The following SOX5 variants were observed in gnomAD, a reference collection of about 807,000 sequenced individuals.
SOX5 encodes the protein transcription factor SOX-5.
Under a neutral mutation model 92.0 loss-of-function variants are expected in SOX5, and 9 were observed. The ratio of observed to expected loss-of-function variants is 0.10; its 90% CI spans 0.06 to 0.17. The LOEUF (loss-of-function observed/expected upper bound fraction) is 0.17, where lower values mean the gene tolerates loss of function less well. SOX5 is among the 10% of genes least tolerant of loss of function. The pLI is 1.00. For synonymous variants in SOX5, 344 were observed against 336.3 expected (o/e 1.02, Z -0.25); for missense variants, 642 against 944.5 (o/e 0.68, Z 4.20).
chr12:24,358,515 G>A (rs1369906574), intron 2 of SOX5, among the ~76,000 whole-genome samples: 1 of 152,034 alleles, frequency 6.6e-6, no homozygotes, highest in Non-Finnish European at 1.5e-5. Context: ...GGGAGGCTGA[G>A]GCAGAAGAAT....
chr12:23,792,097 T>C (rs7137535), intron 3 of SOX5, among the ~76,000 whole-genome samples: 16,882 of 151,988 alleles, frequency 0.11, 1,102 homozygotes, highest in Middle Eastern at 0.17. Context: ...AATTATAATA[T>C]AGAAAGTTAT....
chr12:24,366,940 A>G (rs1466877711), intron 2 of SOX5, among the ~76,000 whole-genome samples: 2 of 151,578 alleles, frequency 1.3e-5, no homozygotes, highest in African/African-American at 4.8e-5. Context: ...AGGAGAAAAG[A>G]AAAAAAAAGG....
intron 9 of SOX5, among the ~76,000 whole-genome samples, chr12:23,602,206 A>G (rs2074596467): frequency 6.6e-6 from 1 of 152,190 alleles, no homozygotes; most frequent in Non-Finnish European, 1.5e-5. Context: ...ACAGAGGTAT[A>G]TAACACCACA....
intron 4 of SOX5, among the ~76,000 whole-genome samples, chr12:24,048,277 G>A (rs1489086499): frequency 6.6e-6 from 1 of 152,088 alleles, no homozygotes; most frequent in Non-Finnish European, 1.5e-5. Context: ...TGGTGAAGTT[G>A]GGATTCAAAT....
At chr12:24,171,643 A>C (rs1426160423) in intron 4 of SOX5, among the ~76,000 whole-genome samples, 8 of 152,154 alleles carry the variant, frequency 5.3e-5, no homozygotes, top group Non-Finnish European at 2.9e-5. Flanking sequence ...ATCCTAATGC[A>C]ATGATAACAC....
intron 3 of SOX5, among the ~76,000 whole-genome samples, chr12:23,756,443 AT>A (rs772917280): frequency 7.6e-4 from 115 of 152,018 alleles, no homozygotes; most frequent in Non-Finnish European, 1.2e-3. Flanking sequence ...GTTTCTACAT[AT>A]AACATAGGTT....
chr12:24,071,458 G>A (rs961794373), intron 4 of SOX5, among the ~76,000 whole-genome samples: 2 of 151,966 alleles, frequency 1.3e-5, no homozygotes, highest in Admixed American at 6.6e-5. Context: ...TTTTTGAGAC[G>A]GAGTCTCACT....
At chr12:23,682,688 A>G (rs2086815870) in intron 6 of SOX5, among the ~76,000 whole-genome samples, 1 of 151,882 alleles carries the variant, frequency 6.6e-6, no homozygotes, top group Non-Finnish European at 1.5e-5. Context: ...ATAAATCTTA[A>G]GCTCTTTGTA....
At chr12:23,874,840 G>A (rs533377728) in intron 2 of SOX5, among the ~76,000 whole-genome samples, 53 of 152,286 alleles carry the variant, frequency 3.5e-4, no homozygotes, top group African/African-American at 1.2e-3. Context: ...CTACAGCAAA[G>A]TCCTCGATAT....
intron 4 of SOX5, among the ~76,000 whole-genome samples, chr12:23,753,913 C>T (rs1012728131): frequency 1.3e-5 from 2 of 151,770 alleles, no homozygotes; most frequent in African/African-American, 4.8e-5. Context: ...AGGTTTACTG[C>T]CAAACCTGAG....
chr12:24,047,410 C>T (rs943395333), intron 4 of SOX5, among the ~76,000 whole-genome samples: 8 of 152,160 alleles, frequency 5.3e-5, no homozygotes, highest in Middle Eastern at 3.2e-3. Flanking sequence ...TTCATATGGA[C>T]ACTCCATTCT....
At chr12:24,505,350 A>G (rs1948614838) in intron 1 of SOX5, among the ~76,000 whole-genome samples, 3 of 152,210 alleles carry the variant, frequency 2.0e-5, no homozygotes, top group Admixed American at 2.0e-4. Flanking sequence ...TGTTGGAGAA[A>G]ACGATCAATG....
chr12:24,295,235 T>G (rs1439970755), intron 2 of SOX5, among the ~76,000 whole-genome samples: 3 of 152,138 alleles, frequency 2.0e-5, no homozygotes, highest in Non-Finnish European at 4.4e-5. Context: ...TGACAGCACA[T>G]TTTTTCCTTA....
At chr12:24,479,660 T>C (rs530339910) in intron 1 of SOX5, among the ~76,000 whole-genome samples, 4 of 143,968 alleles carry the variant, frequency 2.8e-5, no homozygotes, top group Non-Finnish European at 4.6e-5. Flanking sequence ...TTCAGGTATT[T>C]ATTCATTTTT....
intron 1 of SOX5, among the ~76,000 whole-genome samples, chr12:24,387,635 T>C (rs959228437): frequency 1.3e-4 from 20 of 152,270 alleles, no homozygotes; most frequent in African/African-American, 4.8e-4. Flanking sequence ...CTGACATCTT[T>C]CATGAAAGAT....
chr12:23,942,468 AC>A (rs1943830931), intron 1 of SOX5, among the ~76,000 whole-genome samples: 7 of 151,892 alleles, frequency 4.6e-5, no homozygotes, highest in Admixed American at 4.6e-4. Context: ...ATTTGGGTCT[AC>A]CTCTTGTTTT....
chr12:23,651,356 C>G (rs2081539265), intron 7 of SOX5, among the ~76,000 whole-genome samples: 1 of 151,964 alleles, frequency 6.6e-6, no homozygotes, highest in African/African-American at 2.4e-5. Context: ...TTAATCATTA[C>G]TAGAGTTCTT....
rs1591813879 is a variant in SOX5 at position 23,534,142 on chromosome 12, T to C, written c.*77A>G. ...AACAGTCAGTGTATGAGAAAGTTAA[T>C]GTGCTTGGCCACTGGTAAGGATGAA... On this transcript the variant is annotated 3_prime_UTR_variant, in exon 15 of 15. Transcript: ENST00000451604. The C allele has an allele frequency of 3.3e-6, 4 of 1,194,504 alleles. No homozygotes were observed. The highest frequency in any genetic ancestry group is 4.7e-5 in the East Asian group (2 of 42,736). The allele number at this position is 1,194,504 out of a possible 1,614,324, so 74.0% of individuals were successfully genotyped here. A position where few individuals can be genotyped will look rare whatever the true frequency, so the allele number is the denominator to read the frequency against.
chr12:24,410,181 AGAG>A (rs1448460453), intron 1 of SOX5, among the ~76,000 whole-genome samples: 1 of 151,992 alleles, frequency 6.6e-6, no homozygotes, highest in African/African-American at 2.4e-5. Flanking sequence ...TATTTTTTGT[AGAG>A]GAGGAGTTTT....
Sources: gnomAD v4.1 joint callset for allele counts (sites outside exome capture counted in the v4.1 genomes callset) on GRCh38, gnomAD v4.1.1 for gene constraint, MANE v1.5 for transcripts, NCBI Gene and HGNC (gene_info 2026-07-23, HGNC 2026-07-21) for gene names.